Variants in KLRB1 observed in about 807,000 individuals in gnomAD.
KLRB1 encodes killer cell lectin like receptor B1.
KLRB1 carries 27 observed loss-of-function variants against 33.5 expected under a neutral mutation model. That is an observed-to-expected ratio of 0.81 (90% confidence interval 0.59 to 1.11). The LOEUF is 1.11. KLRB1 is among the 50% of genes most tolerant of loss of function. The pLI, the probability that KLRB1 is intolerant of heterozygous loss-of-function variation, is 0.00. For missense variants in KLRB1, 241 were observed against 254.1 expected, an observed-to-expected ratio of 0.95 and a Z score of 0.35; for synonymous variants, 64 against 88.9, an observed-to-expected ratio of 0.72 and a Z score of 1.58.
At chr12:9,606,986 G>A (rs10771927) in intron 1 of KLRB1, among the ~76,000 whole-genome samples, 42,653 of 150,958 alleles carry the variant, frequency 0.28, 6,810 homozygotes, top group South Asian at 0.47. Context: ...TAAACTCCTG[G>A]ACTCAAGCAA....
At chr12:9,596,264 A>G (rs1399829933) in intron 5 of KLRB1, among the ~76,000 whole-genome samples, 1 of 152,142 alleles carries the variant, frequency 6.6e-6, no homozygotes, top group Non-Finnish European at 1.5e-5. Flanking sequence ...CTACTGCCCA[A>G]CCTTCTAGTC....
Position 9,595,080 on chromosome 12 carries a change from G to A in KLRB1, c.*194C>T, listed in dbSNP as rs2058426. ...TAAAACGATGCACGTTTTTCTCTATGTCTCTGTTTCCTCATTTAATAGAAT... is the reference window on the plus strand; with the variant it reads ...TAAAACGATGCACGTTTTTCTCTATATCTCTGTTTCCTCATTTAATAGAAT... On this transcript the variant is annotated 3_prime_UTR_variant, in exon 6 of 6. Transcript: ENST00000229402. The A allele has an allele frequency of 0.48, 264,629 of 556,600 alleles. 63,929 individuals are homozygous for A. The highest frequency in any genetic ancestry group is 0.51 in the East Asian group (17,277 of 34,144). 34.5% of individuals were successfully genotyped at this position (556,600 alleles called of 1,614,324 possible).
chr12:9,601,473 A>G (rs778067292), intron 2 of KLRB1, 28 bp downstream of exon 2: 4 of 1,504,546 alleles, frequency 2.7e-6, no homozygotes, highest in Non-Finnish European at 3.7e-6. Flanking sequence ...AGTAAGTATT[A>G]TGAAACAGAT....
chr12:9,595,402 C>T lies in KLRB1; in HGVS notation c.550G>A (p.Ala184Thr). The T allele has an allele frequency of 1.9e-6, 3 of 1,612,686 alleles. No homozygotes were observed. The highest frequency in any genetic ancestry group is 2.5e-6 in the Non-Finnish European group (3 of 1,179,552). ...NSNDLEIRGD[A>T]KENSCISISQ... is the part of the protein sequence containing the mutation. ...ATGGAAATACAGCTGTTTTCTTTAGCATCACCTCTAATTTCTAAGCTGTGG... is the reference window on the plus strand; with the variant it reads ...ATGGAAATACAGCTGTTTTCTTTAGTATCACCTCTAATTTCTAAGCTGTGG... Residue 184 changes from alanine to threonine, a missense_variant, in exon 6 of 6, where the codon GCT becomes ACT. Coordinates refer to ENST00000229402, the MANE Select transcript of KLRB1 (RefSeq NM_002258.3).
intron 1 of KLRB1, among the ~76,000 whole-genome samples, chr12:9,603,988 A>G (rs1864573405): frequency 6.6e-6 from 1 of 152,006 alleles, no homozygotes; most frequent in Non-Finnish European, 1.5e-5. Flanking sequence ...TAACTGTTCA[A>G]TGAACAGCAG....
At chr12:9,603,309 G>A (rs4763657) in intron 1 of KLRB1, among the ~76,000 whole-genome samples, 54,573 of 151,982 alleles carry the variant, frequency 0.36, 10,217 homozygotes, top group East Asian at 0.55. Context: ...ATATATGTAC[G>A]TTATTTCACC....
intron 1 of KLRB1, among the ~76,000 whole-genome samples, chr12:9,607,407 T>TCTTTCTTTCTTTCTTTCTTTC (rs779896872): frequency 7.1e-6 from 1 of 141,768 alleles, no homozygotes; most frequent in African/African-American, 2.6e-5. Context: ...TTTCTTTCTT[T>TCTTTCTTTCTTTCTTTCTTTC]TCTTTCTTTC....
At chr12:9,597,025 T>G (rs987363341) in intron 5 of KLRB1, among the ~76,000 whole-genome samples, 1 of 152,184 alleles carries the variant, frequency 6.6e-6, no homozygotes, top group African/African-American at 2.4e-5. Context: ...TCTTACACTT[T>G]ATAAAATATT....
At chr12:9,604,433 T>G (rs946166352) in intron 1 of KLRB1, among the ~76,000 whole-genome samples, 8 of 152,110 alleles carry the variant, frequency 5.3e-5, no homozygotes, top group Non-Finnish European at 1.2e-4. Context: ...TTAGACACAA[T>G]CACCATGCTA....
chr12:9,607,096 T>C (rs1864614155), intron 1 of KLRB1, among the ~76,000 whole-genome samples: 1 of 152,078 alleles, frequency 6.6e-6, no homozygotes, highest in Non-Finnish European at 1.5e-5. Flanking sequence ...GAAAATGCAC[T>C]GGGACTTAAT....
At chr12:9,598,240 C>T (rs777858937) in intron 4 of KLRB1, 79 bp from the exon 5 acceptor site, 32 of 904,422 alleles carry the variant, frequency 3.5e-5, no homozygotes, top group Non-Finnish European at 5.2e-5. Context: ...CAAGCATCAC[C>T]TCATCTCTGA....
chr12:9,607,312 TCTTCTTTTCTTTCTCTTTCTTTC>T (rs1864619072), intron 1 of KLRB1, among the ~76,000 whole-genome samples: 1 of 143,982 alleles, frequency 6.9e-6, no homozygotes, highest in Non-Finnish European at 1.5e-5. Context: ...TTTCTTTCTT[TCTTCTTTTCTTTCTCTTTCTTTC>T]CTTTCTTTCT....
intron 5 of KLRB1, among the ~76,000 whole-genome samples, chr12:9,595,854 C>A (rs117770132): frequency 0.028 from 4,211 of 152,122 alleles, 73 homozygotes; most frequent in Non-Finnish European, 0.041. Context: ...AAAATATGTG[C>A]TGAGTAAATA....
rs10667765 is a variant in KLRB1 at position 9,606,648 on chromosome 12, TTA to T, written c.85+1105_85+1106del. Among the ~76,000 whole-genome samples the T allele has an allele frequency of 3.9e-3, 372 of 95,716 alleles. 2 individuals are homozygous for T. The highest frequency in any genetic ancestry group is 5.0e-3 in the Non-Finnish European group (265 of 52,898). 62.8% of individuals were successfully genotyped at this position (95,716 alleles called of 152,430 possible). On this transcript the variant is annotated intron_variant, in intron 1 of 5. Transcript: ENST00000229402. ...GTATGTTACTCATTAAGCCTACACTTTATATATATATATATAAAATATATAAA... is the reference window on the plus strand; with the variant it reads ...GTATGTTACTCATTAAGCCTACACTTTATATATATATATAAAATATATAAA...
intron 1 of KLRB1, among the ~76,000 whole-genome samples, chr12:9,605,676 A>C (rs1157375945): frequency 6.6e-6 from 1 of 152,198 alleles, no homozygotes; most frequent in African/African-American, 2.4e-5. Flanking sequence ...CTTAGACACA[A>C]TCACCGTGCT....
intron 1 of KLRB1, among the ~76,000 whole-genome samples, chr12:9,603,392 T>TATACTTAAAATA: frequency 6.6e-6 from 1 of 152,224 alleles, no homozygotes; most frequent in South Asian, 2.1e-4. Flanking sequence ...GAGAAAGCTC[T>TATACTTAAAATA]GTATAGTCAC....
chr12:9,607,328 TTTCTTTCCTTTCTTTCTTTCTTTC>T (rs1204730139), intron 1 of KLRB1, among the ~76,000 whole-genome samples: 1 of 54,366 alleles, frequency 1.8e-5, no homozygotes, highest in African/African-American at 4.8e-5. Flanking sequence ...TTTCTTTCTC[TTTCTTTCCTTTCTTTCTTTCTTTC>T]TTCCTTTCTT....
chr12:9,599,817 G>A lies in KLRB1; in HGVS notation c.209C>T (p.Ser70Leu), dbSNP rs1273740649. 14 of 1,601,034 alleles carry A rather than the reference G, an allele frequency of 8.7e-6. No homozygotes were observed. In the African/African-American group the frequency reaches 1.3e-4, roughly 15 times the overall value. ...VSVTSLIQKS[S>L]IEKCSVDIQQ... ...AATGTCCACACTGCATTTTTCTATT[G>A]ATGATTTCTGTATTAAGGATGTCAC... The change falls in exon 3 of 6, where the codon TCA becomes TTA. Residue 70 changes from serine (S) to leucine (L), a missense_variant. Physicochemically the swap from Ser to Leu is moderately radical, Grantham distance 145 (BLOSUM62 -2). Coordinates refer to ENST00000229402, the MANE Select transcript of KLRB1 (RefSeq NM_002258.3).
chr12:9,606,762 T>TA lies in KLRB1; in HGVS notation c.85+992_85+993insT, dbSNP rs1565444269. 3.6e-4 allele frequency among the ~76,000 whole-genome samples: 14 copies of TA among 39,310 alleles called. 1 individual carries two copies. The highest frequency in any genetic ancestry group is 5.1e-4 in the African/African-American group (8 of 15,840). The allele number at this position is 39,310 out of a possible 152,430, so 25.8% of individuals were successfully genotyped here. A position where few individuals can be genotyped will look rare whatever the true frequency, so the allele number is the denominator to read the frequency against. On this transcript the variant is annotated intron_variant, in intron 1 of 5. Coordinates refer to ENST00000229402, the MANE Select transcript of KLRB1 (RefSeq NM_002258.3). The stretch of plus-strand genomic sequence containing the variant: ...TATATATATATATATATATATATAT[T>TA]TTTTTTTTTTTTTTGAGATAGTCTT...
Sources: gnomAD v4.1 joint callset for allele counts (sites outside exome capture counted in the v4.1 genomes callset) on GRCh38, gnomAD v4.1.1 for gene constraint, MANE v1.5 for transcripts, NCBI Gene and HGNC (gene_info 2026-07-23, HGNC 2026-07-21) for gene names.